Variants in AQP9 observed in about 807,000 individuals in gnomAD.
AQP9 encodes the protein aquaporin 9, also known as aquaporin-9.
Under a neutral mutation model 23.8 loss-of-function variants are expected in AQP9, and 19 were observed. The ratio of observed to expected loss-of-function variants is 0.80; its 90% CI spans 0.56 to 1.17. The LOEUF (loss-of-function observed/expected upper bound fraction) is 1.17. Among genes scored for constraint, AQP9 ranks in the 50% most tolerant of loss-of-function variants. The pLI is 0.00. For synonymous variants in AQP9, 153 were observed against 131.5 expected (o/e 1.16, Z -1.12); for missense variants, 413 against 362.0 (o/e 1.14, Z -1.14).
At chr15:58,148,572 C>A (rs980570838) in intron 1 of AQP9, among the ~76,000 whole-genome samples, 8 of 152,162 alleles carry the variant, frequency 5.3e-5, no homozygotes, top group East Asian at 1.9e-4. Flanking sequence ...CCTCAGCAAC[C>A]CCCACTCACA....
chr15:58,147,975 G>A (rs1456209784), intron 1 of AQP9, among the ~76,000 whole-genome samples: 1 of 152,030 alleles, frequency 6.6e-6, no homozygotes, highest in Non-Finnish European at 1.5e-5. Context: ...ATTGATATTA[G>A]TTACCTGTGG....
At chr15:58,160,321 T>C (rs1222339336) in intron 1 of AQP9, among the ~76,000 whole-genome samples, 1 of 152,150 alleles carries the variant, frequency 6.6e-6, no homozygotes, top group African/African-American at 2.4e-5. Flanking sequence ...TCAGATCTTT[T>C]GCCCGCTTTA....
chr15:58,164,151 T>C (rs146236854), intron 1 of AQP9: 2 of 151,782 alleles, frequency 1.3e-5, no homozygotes, highest in African/African-American at 4.8e-5. Context: ...GCATCTAGAG[T>C]GGAAGAGGGG....
At chr15:58,140,911 G>A (rs1294247448) in intron 1 of AQP9, among the ~76,000 whole-genome samples, 1 of 152,168 alleles carries the variant, frequency 6.6e-6, no homozygotes. Flanking sequence ...ACTGGTACAG[G>A]TGGTCCCTGG....
In AQP9 at chr15:58,185,462, T is replaced by G. The variant is rs1899006472; in HGVS notation, c.*1327T>G. On this transcript the variant is annotated 3_prime_UTR_variant, in exon 6 of 6. Transcript: ENST00000219919. ...CTTACTGAGTACAGATGAAGGAAAG[T>G]GGTAGCAATTTAATCATAACTTTCA... 2 of 152,620 alleles carry G rather than the reference T, an allele frequency of 1.3e-5. No homozygotes were observed. The highest frequency in any genetic ancestry group is 4.8e-5 in the African/African-American group (2 of 41,426). The allele number at this position is 152,620 out of a possible 1,614,324, so 9.5% of individuals were successfully genotyped here.
At chr15:58,171,206 G>C (rs1160581857) in intron 2 of AQP9, among the ~76,000 whole-genome samples, 2 of 151,890 alleles carry the variant, frequency 1.3e-5, no homozygotes, top group African/African-American at 4.8e-5. Context: ...GCCTGCCTCA[G>C]CCTCCCGAGT....
At chr15:58,142,703 G>A (rs77052901) in intron 1 of AQP9, among the ~76,000 whole-genome samples, 3,724 of 152,244 alleles carry the variant, frequency 0.024, 151 homozygotes, top group African/African-American at 0.085. Context: ...AGGAAAGTGG[G>A]CCTCAAGAGA....
chr15:58,166,244 C>T (rs1307008285), intron 1 of AQP9, among the ~76,000 whole-genome samples: 2 of 152,070 alleles, frequency 1.3e-5, no homozygotes, highest in African/African-American at 4.8e-5. Flanking sequence ...CTACTGTGCT[C>T]GATTATTTCC....
intron 1 of AQP9, among the ~76,000 whole-genome samples, chr15:58,158,297 A>T (rs1338626875): frequency 6.6e-6 from 1 of 152,138 alleles, no homozygotes; most frequent in African/African-American, 2.4e-5. Context: ...TGTTCCATCC[A>T]GTGTGTGACG....
intron 2 of AQP9, among the ~76,000 whole-genome samples, chr15:58,171,144 G>A (rs1416348927): frequency 6.7e-6 from 1 of 149,660 alleles, no homozygotes; most frequent in Non-Finnish European, 1.5e-5. Flanking sequence ...CTGGAGTACA[G>A]TGGCACCATC....
intron 3 of AQP9, among the ~76,000 whole-genome samples, chr15:58,174,712 G>T (rs1315396462): frequency 1.3e-5 from 2 of 152,214 alleles, no homozygotes; most frequent in South Asian, 2.1e-4. Flanking sequence ...ATTCAGAGAG[G>T]CCAAAGGCCT....
intron 5 of AQP9, among the ~76,000 whole-genome samples, chr15:58,180,875 C>G (rs1362858915): frequency 1.3e-5 from 2 of 152,210 alleles, no homozygotes; most frequent in African/African-American, 4.8e-5. Flanking sequence ...AGAATGATCA[C>G]AACTAGAACA....
At chr15:58,156,854 G>A (rs1439542378) in intron 1 of AQP9, among the ~76,000 whole-genome samples, 2 of 152,124 alleles carry the variant, frequency 1.3e-5, no homozygotes, top group Non-Finnish European at 2.9e-5. Context: ...TACAGGATCT[G>A]GCTAAGGGTA....
At chr15:58,153,433 T>C (rs1163540305) in intron 1 of AQP9, 1 of 152,124 alleles carries the variant, frequency 6.6e-6, no homozygotes, top group Non-Finnish European at 1.5e-5. Context: ...ACATTATGTG[T>C]AGGGGCATCA....
At chr15:58,154,013 C>G (rs1898199202) in intron 1 of AQP9, 1 of 152,102 alleles carries the variant, frequency 6.6e-6, no homozygotes, top group South Asian at 2.1e-4. Flanking sequence ...CCCACTTCAT[C>G]CCCCTAAACA....
intron 1 of AQP9, among the ~76,000 whole-genome samples, chr15:58,162,002 T>C (rs1424146843): frequency 6.6e-6 from 1 of 152,212 alleles, no homozygotes; most frequent in African/African-American, 2.4e-5. Flanking sequence ...ACATATTATC[T>C]TGAAAATCTT....
At chr15:58,161,816 T>C (rs759965399) in intron 1 of AQP9, among the ~76,000 whole-genome samples, 1 of 152,232 alleles carries the variant, frequency 6.6e-6, no homozygotes, top group Non-Finnish European at 1.5e-5. Flanking sequence ...AAAAGCCATA[T>C]GATTCAAATC....
chr15:58,176,790 T>G (rs1276841111), intron 4 of AQP9, among the ~76,000 whole-genome samples: 2 of 151,976 alleles, frequency 1.3e-5, no homozygotes, highest in African/African-American at 4.8e-5. Context: ...TTTGTATTTT[T>G]AGTAGAGACG....
intron 1 of AQP9, chr15:58,153,499 C>T (rs79276062): frequency 5.3e-5 from 8 of 152,040 alleles, no homozygotes; most frequent in Non-Finnish European, 1.0e-4. Context: ...AAAAAAAAAT[C>T]GTAGCATTCT....
Sources: allele counts gnomAD v4.1 joint callset (sites outside exome capture counted in the v4.1 genomes callset), GRCh38; gene constraint gnomAD v4.1.1; transcripts MANE v1.5; gene names NCBI Gene and HGNC (gene_info 2026-07-23, HGNC 2026-07-21).